The following ZC3H12B variants were observed in gnomAD, a reference collection of about 807,000 sequenced individuals.
The protein encoded by ZC3H12B is probable ribonuclease ZC3H12B.
ZC3H12B carries 7 observed loss-of-function variants against 43.9 expected under a neutral mutation model. The ratio of observed to expected loss-of-function variants is 0.16; its 90% CI spans 0.09 to 0.30. The LOEUF (loss-of-function observed/expected upper bound fraction) is 0.30. Ranked by LOEUF, ZC3H12B falls within the 10% of genes least tolerant of loss-of-function variation. ZC3H12B has a pLI of 1.00. For synonymous variants in ZC3H12B, 222 were observed against 241.7 expected, an observed-to-expected ratio of 0.92 and a Z score of 0.76; for missense variants, 475 against 670.2, an observed-to-expected ratio of 0.71 and a Z score of 3.22.
the ZC3H12B span, among the ~76,000 whole-genome samples, chrX:65,061,589 C>T: frequency 1.8e-5 from 2 of 111,799 alleles, no homozygotes; most frequent in African/African-American, 3.3e-5. Context: ...GGGTTGATTC[C>T]AAGTCTATGC....
the ZC3H12B span, among the ~76,000 whole-genome samples, chrX:65,101,164 T>G: frequency 2.0e-4 from 22 of 111,484 alleles, no homozygotes; most frequent in African/African-American, 5.9e-4. Context: ...ATAATGAAAT[T>G]AACGCAGAAA....
At chrX:65,187,741 CATA>C in the ZC3H12B span, among the ~76,000 whole-genome samples, 5 of 108,097 alleles carry the variant, frequency 4.6e-5, no homozygotes, top group Non-Finnish European at 1.9e-5. Context: ...GTATACAATG[CATA>C]ATAATCACAT....
chrX:65,393,179 T>C (rs1353350735), intron 2 of ZC3H12B, among the ~76,000 whole-genome samples: 1 of 110,754 alleles, frequency 9.0e-6, no homozygotes. Context: ...GCTGACCTTC[T>C]CTCCACTATT....
At chrX:65,212,673 TG>T in the ZC3H12B span, among the ~76,000 whole-genome samples, 33 of 89,948 alleles carry the variant, frequency 3.7e-4, 1 homozygote, top group African/African-American at 9.5e-4. Context: ...TAAATATATA[TG>T]ATTTATATAT....
chrX:65,114,258 T>C, the ZC3H12B span, among the ~76,000 whole-genome samples: 1 of 108,083 alleles, frequency 9.3e-6, no homozygotes, highest in Non-Finnish European at 1.9e-5. Context: ...ATCAGTGAAA[T>C]AGTAGCTTCA....
At chrX:65,171,693 G>A in the ZC3H12B span, among the ~76,000 whole-genome samples, 1 of 111,187 alleles carries the variant, frequency 9.0e-6, no homozygotes, top group African/African-American at 3.3e-5. Context: ...GCTCCACCGA[G>A]TTTGAGTTTC....
At chrX:65,405,321 G>C (rs2066809099) in intron 3 of ZC3H12B, among the ~76,000 whole-genome samples, 1 of 112,586 alleles carries the variant, frequency 8.9e-6, no homozygotes, top group South Asian at 3.6e-4. Flanking sequence ...AAAATTAGTA[G>C]GAGAAAAGAA....
chrX:65,387,804 C>T (rs1484436312), intron 2 of ZC3H12B, among the ~76,000 whole-genome samples: 1 of 112,649 alleles, frequency 8.9e-6, no homozygotes, highest in Non-Finnish European at 1.9e-5. Flanking sequence ...ATGTTTATTG[C>T]TTCCTTCAGG....
chrX:65,327,701 A>G, the ZC3H12B span, among the ~76,000 whole-genome samples: 5 of 111,834 alleles, frequency 4.5e-5, no homozygotes, highest in East Asian at 8.3e-4. Flanking sequence ...AATAGAAACA[A>G]CAGCATTCAA....
At position 65,489,127 on chromosome X, in the gene ZC3H12B, A is replaced by G. The variant is rs192520287; in HGVS notation, c.326A>G (p.Gln109Arg). 623 of 1,210,315 alleles carry G rather than the reference A, an allele frequency of 5.1e-4. 5 individuals are homozygous for G. The Admixed American group carries it at 0.013, about 26-fold the overall frequency. The stretch of plus-strand genomic sequence containing the variant: ...AAACTTGACTTGGAGAAGGAATACC[A>G]AGCTAAGATGGAGTTTGCGCTAAAG... The change falls in exon 1 of 5, where the codon CAA becomes CGA. Residue 109 changes from glutamine to arginine, a missense_variant. By Grantham distance (43) the Gln-to-Arg change is conservative (BLOSUM62 1). Coordinates refer to ENST00000338957, the Ensembl canonical transcript of ZC3H12B.
At chrX:65,350,093 A>G in the ZC3H12B span, among the ~76,000 whole-genome samples, 8 of 112,017 alleles carry the variant, frequency 7.1e-5, no homozygotes, top group Admixed American at 5.7e-4. Flanking sequence ...ATGAACCTCA[A>G]GGTGAAAATC....
chrX:65,147,600 G>C, the ZC3H12B span, among the ~76,000 whole-genome samples: 1 of 111,258 alleles, frequency 9.0e-6, no homozygotes, highest in Non-Finnish European at 1.9e-5. Context: ...TTGAATCCAT[G>C]TTTGTTGGCC....
At chrX:65,122,565 C>A in the ZC3H12B span, among the ~76,000 whole-genome samples, 2 of 111,382 alleles carry the variant, frequency 1.8e-5, no homozygotes, top group Non-Finnish European at 3.8e-5. Flanking sequence ...GGACTAAGTT[C>A]TCCAATTAAA....
chrX:65,166,609 C>G, the ZC3H12B span, among the ~76,000 whole-genome samples: 1 of 111,233 alleles, frequency 9.0e-6, no homozygotes, highest in African/African-American at 3.3e-5. Flanking sequence ...AGATCCTTGA[C>G]GAATCACCAC....
At chrX:65,235,147 A>G in the ZC3H12B span, among the ~76,000 whole-genome samples, 10 of 111,842 alleles carry the variant, frequency 8.9e-5, no homozygotes, top group Non-Finnish European at 1.7e-4. Context: ...TAGTGCTGCA[A>G]TGAACATATG....
chrX:65,058,091 G>A, the ZC3H12B span, among the ~76,000 whole-genome samples: 27 of 112,370 alleles, frequency 2.4e-4, no homozygotes, highest in East Asian at 5.6e-3. Context: ...CTCCTCAGAG[G>A]CATTCTCTGT....
exon 5 of ZC3H12B, chrX:65,502,764 C>T (rs749916260): frequency 2.5e-6 from 3 of 1,209,385 alleles, no homozygotes; most frequent in East Asian, 3.0e-5. Context: ...CCTGGGGCAA[C>T]CCCCCAGCCA....
In ZC3H12B at chrX:65,465,648, C is replaced by T. The variant is rs181497736; in HGVS notation, n.408-22998C>T. On this transcript the variant is annotated intron_variant and non_coding_transcript_variant, in intron 3 of 5. Transcript: ENST00000617377. ...ACTTCTGCTATTTTGCTTTCTATTT[C>T]CTATATGTATTATGATTATTTGTGT... 1.9e-3 allele frequency among the ~76,000 whole-genome samples: 210 copies of T among 110,391 alleles called. No individual in the cohort carries two copies. The Middle Eastern group carries it at 0.023, about 12-fold the overall frequency.
At chrX:65,099,123 CAGTG>C in the ZC3H12B span, among the ~76,000 whole-genome samples, 1 of 111,749 alleles carries the variant, frequency 8.9e-6, no homozygotes, top group Non-Finnish European at 1.9e-5. Context: ...GAACTAAACA[CAGTG>C]AGGCAAAGCG....
Sources: allele counts gnomAD v4.1 joint callset (sites outside exome capture counted in the v4.1 genomes callset), GRCh38; gene constraint gnomAD v4.1.1; transcripts MANE v1.5; gene names NCBI Gene and HGNC (gene_info 2026-07-23, HGNC 2026-07-21).